OLFM3: variants seen among roughly 807,000 people sequenced by gnomAD.
The protein encoded by OLFM3 is noelin-3.
A neutral mutation model predicts 48.6 loss-of-function variants in OLFM3; 20 were observed. The ratio of observed to expected loss-of-function variants is 0.41; its 90% confidence interval spans 0.29 to 0.60. The LOEUF is 0.60. OLFM3 is among the 20% of genes least tolerant of loss of function. The pLI is 0.28. For missense variants in OLFM3, 437 were observed against 544.3 expected (o/e 0.80, Z 1.96); for synonymous variants, 222 against 198.1 (o/e 1.12, Z -1.01).
At chr1:101,844,181 T>G (rs1034978204) in intron 1 of OLFM3, among the ~76,000 whole-genome samples, 1 of 152,208 alleles carries the variant, frequency 6.6e-6, no homozygotes, top group Admixed American at 6.5e-5. Flanking sequence ...CACTGCTTTG[T>G]CACATGCCTA....
At position 101,910,365 on chromosome 1, in the gene OLFM3, C is replaced by T. The variant is rs547589693; in HGVS notation, c.70-73340G>A. Among the ~76,000 whole-genome samples the T allele has an allele frequency of 5.5e-3, 840 of 151,856 alleles. 3 individuals are homozygous for T. Among genetic ancestry groups the T allele is most frequent in the Middle Eastern group, 0.038 (11 of 290 alleles). On this transcript the variant is annotated intron_variant, in intron 1 of 5. Coordinates refer to ENST00000370103, the MANE Select transcript of OLFM3 (RefSeq NM_058170.4). The stretch of plus-strand genomic sequence containing the variant: ...CCTGTAATCCCAGCTGCTCAGGAGG[C>T]TGAGGCCAGAGAATGGCGTGAACCC...
At chr1:101,908,244 G>C (rs1658618577) in intron 1 of OLFM3, among the ~76,000 whole-genome samples, 1 of 152,184 alleles carries the variant, frequency 6.6e-6, no homozygotes. Flanking sequence ...ATCTTAGTAA[G>C]AGGAATTAAA....
chr1:101,910,015 G>A, intron 1 of OLFM3: 1 of 985,246 alleles, frequency 1.0e-6, no homozygotes, highest in Non-Finnish European at 1.2e-6. Flanking sequence ...TAATATTAAG[G>A]TTATTTTTCC....
intron 1 of OLFM3, among the ~76,000 whole-genome samples, chr1:101,876,276 G>A (rs916423882): frequency 3.9e-5 from 6 of 151,966 alleles, no homozygotes; most frequent in African/African-American, 1.4e-4. Context: ...CCATACTAAA[G>A]GGAATTGGTG....
At chr1:101,945,529 A>C (rs981206241) in intron 1 of OLFM3, among the ~76,000 whole-genome samples, 2 of 152,214 alleles carry the variant, frequency 1.3e-5, no homozygotes, top group Non-Finnish European at 2.9e-5. Context: ...GGAAGAGATT[A>C]CAAAGGGAAA....
intron 1 of OLFM3, among the ~76,000 whole-genome samples, chr1:101,919,351 G>T (rs539166870): frequency 1.3e-5 from 2 of 150,520 alleles, no homozygotes; most frequent in Admixed American, 1.3e-4. Context: ...CTCATTCTAC[G>T]TTTAACCTAT....
At chr1:101,832,582 C>G (rs1655213671) in intron 2 of OLFM3, among the ~76,000 whole-genome samples, 1 of 152,174 alleles carries the variant, frequency 6.6e-6, no homozygotes, top group Admixed American at 6.5e-5. Flanking sequence ...GGGAAGTAGC[C>G]TTCCCTTTGT....
intron 1 of OLFM3, among the ~76,000 whole-genome samples, chr1:101,928,730 G>A (rs889063866): frequency 2.8e-4 from 43 of 152,126 alleles, no homozygotes; most frequent in Admixed American, 4.6e-4. Flanking sequence ...CCTACTATGT[G>A]TTTGGCACTA....
intron 1 of OLFM3, among the ~76,000 whole-genome samples, chr1:101,988,724 A>G (rs1204743522): frequency 6.6e-6 from 1 of 152,112 alleles, no homozygotes; most frequent in South Asian, 2.1e-4. Flanking sequence ...TAGATAGGAA[A>G]GAATAGGATA....
intron 1 of OLFM3, among the ~76,000 whole-genome samples, chr1:101,990,069 C>G (rs1362685306): frequency 6.6e-6 from 1 of 152,188 alleles, no homozygotes; most frequent in Non-Finnish European, 1.5e-5. Flanking sequence ...GTGATCTCTT[C>G]TCCATGATTA....
At chr1:101,901,454 C>T (rs964406091) in intron 1 of OLFM3, among the ~76,000 whole-genome samples, 1 of 151,986 alleles carries the variant, frequency 6.6e-6, no homozygotes, top group Non-Finnish European at 1.5e-5. Context: ...AGATTTAGAG[C>T]TGGAACGGTG....
intron 1 of OLFM3, among the ~76,000 whole-genome samples, chr1:101,901,588 T>G (rs1658388406): frequency 6.6e-6 from 1 of 151,924 alleles, no homozygotes; most frequent in African/African-American, 2.4e-5. Context: ...GATGCAGAAA[T>G]ACCAACTAGG....
intron 1 of OLFM3, among the ~76,000 whole-genome samples, chr1:101,937,044 A>G (rs1043975987): frequency 1.3e-5 from 2 of 152,204 alleles, no homozygotes; most frequent in African/African-American, 2.4e-5. Flanking sequence ...CATTTGGGAC[A>G]TAGGCCCTGA....
intron 1 of OLFM3, among the ~76,000 whole-genome samples, chr1:101,894,896 T>C (rs903481751): frequency 3.3e-5 from 5 of 152,140 alleles, no homozygotes; most frequent in African/African-American, 1.2e-4. Context: ...TACATGGAGC[T>C]TAAACATGTT....
intron 1 of OLFM3, among the ~76,000 whole-genome samples, chr1:101,844,969 G>T (rs1655917006): frequency 6.6e-6 from 1 of 152,014 alleles, no homozygotes; most frequent in Non-Finnish European, 1.5e-5. Context: ...TAAAGTATGA[G>T]CACTCATTTG....
At chr1:101,918,704 G>C (rs942355992) in intron 1 of OLFM3, among the ~76,000 whole-genome samples, 1 of 151,796 alleles carries the variant, frequency 6.6e-6, no homozygotes, top group African/African-American at 2.4e-5. Context: ...ACATATTCAC[G>C]GGTTCTGGGG....
chr1:101,933,126 C>G (rs1265358463), intron 1 of OLFM3, among the ~76,000 whole-genome samples: 1 of 141,646 alleles, frequency 7.1e-6, no homozygotes, highest in Non-Finnish European at 1.5e-5. Flanking sequence ...GGCATGAACC[C>G]GGGAGGCGGA....
intron 1 of OLFM3, among the ~76,000 whole-genome samples, chr1:101,971,519 T>C (rs1660803164): frequency 6.6e-6 from 1 of 152,206 alleles, no homozygotes; most frequent in African/African-American, 2.4e-5. Flanking sequence ...AGATCTTTGA[T>C]GGCAAGGCTA....
intron 1 of OLFM3, among the ~76,000 whole-genome samples, chr1:101,848,923 T>A (rs1319726): frequency 0.53 from 80,839 of 151,964 alleles, 22,334 homozygotes; most frequent in African/African-American, 0.67. Context: ...AGTAGCATTT[T>A]TAGAAGAATA....
Sources: gnomAD v4.1 joint callset for allele counts (sites outside exome capture counted in the v4.1 genomes callset) on GRCh38, gnomAD v4.1.1 for gene constraint, MANE v1.5 for transcripts, NCBI Gene and HGNC (gene_info 2026-07-23, HGNC 2026-07-21) for gene names.